ZNF676: variants seen among roughly 807,000 people sequenced by gnomAD.
ZNF676 encodes the protein zinc finger protein 676.
In ZNF676, 4 loss-of-function variants were observed where a neutral mutation model predicts 6.0. That is an observed-to-expected ratio of 0.67 (90% CI 0.33 to 1.53). ZNF676 has a LOEUF of 1.53. Ranked by LOEUF, ZNF676 falls within the 40% of genes most tolerant of loss-of-function variation. The pLI is 0.06. For synonymous variants in ZNF676, 198 were observed against 223.1 expected (o/e 0.89, Z 1.00); for missense variants, 644 against 679.7 (o/e 0.95, Z 0.58).
chr19:22,205,953 G>A (rs1387139078), intron 1 of ZNF676, among the ~76,000 whole-genome samples: 2 of 151,220 alleles, frequency 1.3e-5, no homozygotes, highest in Non-Finnish European at 2.9e-5. Flanking sequence ...GACAAAAAGA[G>A]ACATTACCAC....
chr19:22,244,691 C>G, the ZNF676 span: 1 of 152,158 alleles, frequency 6.6e-6, no homozygotes, highest in African/African-American at 2.4e-5. Context: ...TTACTGGGCC[C>G]AGCGATATGT....
Position 22,179,784 on chromosome 19 carries a change from G to T in ZNF676, c.*166C>A. The T allele has an allele frequency of 1.2e-6, 1 of 864,662 alleles. No homozygotes were observed. The highest frequency in any genetic ancestry group is 1.9e-6 in the Non-Finnish European group (1 of 522,168). The allele number at this position is 864,662 out of a possible 1,614,324, so 53.6% of individuals were successfully genotyped here. On this transcript the variant is annotated 3_prime_UTR_variant, in exon 3 of 3. Transcript: ENST00000397121. ...AGCCTTTGTCACATTCTTCACGTTT[G>T]TAGTGTTTCTCTCCAGCATGAATTT...
intron 1 of ZNF676, among the ~76,000 whole-genome samples, chr19:22,215,167 C>T (rs1052029223): frequency 3.5e-4 from 53 of 151,982 alleles, no homozygotes; most frequent in African/African-American, 1.2e-3. Context: ...CTTCAATAGA[C>T]CATAAACTAC....
At chr19:22,214,488 A>G (rs929429243) in intron 1 of ZNF676, among the ~76,000 whole-genome samples, 1 of 151,234 alleles carries the variant, frequency 6.6e-6, no homozygotes, top group African/African-American at 2.4e-5. Context: ...AATCCCAGCT[A>G]CTTGGGAGGC....
intron 1 of ZNF676, among the ~76,000 whole-genome samples, chr19:22,195,174 G>C (rs1459649201): frequency 6.6e-6 from 1 of 152,134 alleles, no homozygotes; most frequent in Non-Finnish European, 1.5e-5. Context: ...GGAAATAAAG[G>C]GTTTGGGAGC....
the ZNF676 span, among the ~76,000 whole-genome samples, chr19:22,232,312 C>T: frequency 1.3e-5 from 2 of 151,956 alleles, no homozygotes; most frequent in African/African-American, 4.8e-5. Flanking sequence ...GGAGAACAGG[C>T]GTGCACTACC....
the ZNF676 span, among the ~76,000 whole-genome samples, chr19:22,248,535 A>G: frequency 6.6e-6 from 1 of 152,182 alleles, no homozygotes; most frequent in Non-Finnish European, 1.5e-5. Flanking sequence ...AAATTGCTGG[A>G]AAAGATCCCT....
At chr19:22,217,929 C>T (rs952733528), upstream of ZNF676, among the ~76,000 whole-genome samples, 2 of 151,794 alleles carry the variant, frequency 1.3e-5, no homozygotes, top group Non-Finnish European at 2.9e-5. Context: ...GTCTGGAACT[C>T]CTGACCTCAG....
In ZNF676 at chr19:22,180,889, A is replaced by G. The variant is rs372861587; in HGVS notation, c.828T>C (p.Ala276=). Residue 276 remains alanine, a synonymous_variant, in exon 3 of 3, where the codon GCT becomes GCC. Coordinates refer to ENST00000397121, the MANE Select transcript of ZNF676 (RefSeq NM_001001411.3). ...STLNTHKAIH[A]EEKPYKCEEC... is the part of the protein sequence containing the mutation. ...CTTCACATTTGTAGGGCTTCTCTTC[A>G]GCATGAATTGCCTTATGTGTATTAA... 7.5e-5 allele frequency: 107 copies of G among 1,425,204 alleles called. No individual in the cohort carries two copies. Among genetic ancestry groups the G allele is most frequent in the Admixed American group, 3.1e-4 (17 of 54,660 alleles). 88.3% of individuals were successfully genotyped at this position (1,425,204 alleles called of 1,614,324 possible). A position where few individuals can be genotyped will look rare whatever the true frequency, so the allele number is the denominator to read the frequency against.
At chr19:22,234,491 C>T in the ZNF676 span, among the ~76,000 whole-genome samples, 3 of 152,180 alleles carry the variant, frequency 2.0e-5, no homozygotes, top group Non-Finnish European at 4.4e-5. Flanking sequence ...TCAGAAAGCA[C>T]CCAGTTCATG....
At chr19:22,198,148 CA>C (rs1252888771), upstream of ZNF676, among the ~76,000 whole-genome samples, 2 of 152,122 alleles carry the variant, frequency 1.3e-5, no homozygotes, top group Admixed American at 6.6e-5. Context: ...GATGAAACCA[CA>C]ACATTACATG....
intron 2 of ZNF676, among the ~76,000 whole-genome samples, chr19:22,183,247 TAATAA>T (rs2023786615): frequency 1.3e-5 from 2 of 152,174 alleles, no homozygotes; most frequent in South Asian, 2.1e-4. Context: ...ATAGAATAGG[TAATAA>T]AATAAAAGTA....
the ZNF676 span, among the ~76,000 whole-genome samples, chr19:22,238,059 T>A: frequency 6.6e-6 from 1 of 152,334 alleles, no homozygotes; most frequent in Middle Eastern, 3.4e-3. Context: ...TTCATCATTT[T>A]CTATCATCAC....
chr19:22,225,308 A>G, the ZNF676 span, among the ~76,000 whole-genome samples: 1,889 of 152,290 alleles, frequency 0.012, 30 homozygotes, highest in Non-Finnish European at 0.017. Flanking sequence ...AGGCTGAATG[A>G]TATTCCATGT....
chr19:22,232,407 C>A, the ZNF676 span, among the ~76,000 whole-genome samples: 1 of 152,168 alleles, frequency 6.6e-6, no homozygotes, highest in African/African-American at 2.4e-5. Flanking sequence ...ACCTTGTGAT[C>A]TGCCTGCCTT....
the ZNF676 span, among the ~76,000 whole-genome samples, chr19:22,235,551 G>A: frequency 2.0e-5 from 3 of 152,232 alleles, no homozygotes; most frequent in East Asian, 5.8e-4. Flanking sequence ...CTGGACCCCT[G>A]GAAATTTTAC....
the ZNF676 span, among the ~76,000 whole-genome samples, chr19:22,237,759 C>T: frequency 6.6e-6 from 1 of 152,128 alleles, no homozygotes; most frequent in Non-Finnish European, 1.5e-5. Context: ...ACAAAAAGCT[C>T]ATCAGAGTTT....
At chr19:22,190,632 T>TAC in intron 2 of ZNF676, among the ~76,000 whole-genome samples, 1 of 76,580 alleles carries the variant, frequency 1.3e-5, no homozygotes, top group Non-Finnish European at 2.6e-5. Context: ...GAATGCAACA[T>TAC]ATATATATAT....
the ZNF676 span, among the ~76,000 whole-genome samples, chr19:22,230,594 A>G: frequency 6.6e-6 from 1 of 151,346 alleles, no homozygotes; most frequent in African/African-American, 2.4e-5. Context: ...ATATGAATGC[A>G]TATATATGTG....
Sources: allele counts gnomAD v4.1 joint callset (sites outside exome capture counted in the v4.1 genomes callset), GRCh38; gene constraint gnomAD v4.1.1; transcripts MANE v1.5; gene names NCBI Gene and HGNC (gene_info 2026-07-23, HGNC 2026-07-21).